Variants in KCNN2 observed in about 807,000 individuals in gnomAD.
KCNN2 encodes small conductance calcium-activated potassium channel protein 2.
Under a neutral mutation model 55.5 loss-of-function variants are expected in KCNN2, and 24 were observed. The observed-to-expected ratio is 0.43, with a 90% CI of 0.31 to 0.61. The LOEUF (loss-of-function observed/expected upper bound fraction) is 0.61. KCNN2 is among the 20% of genes least tolerant of loss of function. KCNN2 has a pLI of 0.08. For missense variants in KCNN2, 754 were observed against 853.6 expected (o/e 0.88, Z 1.45); for synonymous variants, 431 against 336.1 (o/e 1.28, Z -3.09).
In KCNN2 at chr5:114,178,402, T is replaced by G. The variant is rs147017918; in HGVS notation, c.-270-43078T>G. Among the ~76,000 whole-genome samples, 710 of 152,308 alleles carry G rather than the reference T, an allele frequency of 4.7e-3. 3 individuals carry two copies. The highest frequency in any genetic ancestry group is 7.4e-3 in the Non-Finnish European group (500 of 68,022). ...CACACAGCTCAGCTATGTAATTATA[T>G]TACATTTCAGGAAAAACTGTATGTG... is the stretch of plus-strand genomic sequence containing the variant. On this transcript the variant is annotated intron_variant, in intron 1 of 10. Coordinates refer to the KCNN2 transcript ENST00000512097.
At chr5:114,114,938 C>T (rs151317430) in intron 1 of KCNN2, among the ~76,000 whole-genome samples, 4 of 152,264 alleles carry the variant, frequency 2.6e-5, no homozygotes, top group Admixed American at 6.5e-5. Flanking sequence ...GAGGTGTTTG[C>T]TAAACTATGT....
rs6149185 is a variant in KCNN2 at position 114,323,649 on chromosome 5, A to ATTTTT, written c.-184-37282_-184-37278dup. ...TAAGTATCATGATATAAACATATCA[A>ATTTTT]TTTTTTTTTTTTTTTTTTGCTGGTC... On this transcript the variant is annotated intron_variant, in intron 2 of 10. Coordinates refer to the KCNN2 transcript ENST00000512097. Among the ~76,000 whole-genome samples the ATTTTT allele has an allele frequency of 9.0e-4, 77 of 85,302 alleles. 11 individuals carry two copies. The East Asian group carries it at 0.027, about 30-fold the overall frequency. The allele number at this position is 85,302 out of a possible 152,430, so 56.0% of individuals were successfully genotyped here.
chr5:114,285,128 A>T (rs886097564), intron 2 of KCNN2, among the ~76,000 whole-genome samples: 1 of 151,238 alleles, frequency 6.6e-6, no homozygotes, highest in African/African-American at 2.4e-5. Flanking sequence ...TAAAAAATGT[A>T]AAAAAATTAG....
At chr5:114,166,473 A>C (rs1752915952) in intron 1 of KCNN2, among the ~76,000 whole-genome samples, 1 of 152,138 alleles carries the variant, frequency 6.6e-6, no homozygotes. Flanking sequence ...TTTTCAAAAA[A>C]CACATAGAAC....
At chr5:114,314,969 C>T (rs1279608433) in intron 2 of KCNN2, among the ~76,000 whole-genome samples, 3 of 152,148 alleles carry the variant, frequency 2.0e-5, no homozygotes, top group Non-Finnish European at 4.4e-5. Context: ...GTTCCTCTAA[C>T]AAGAACACAG....
At chr5:114,234,611 A>C (rs932111568) in intron 2 of KCNN2, among the ~76,000 whole-genome samples, 4 of 152,228 alleles carry the variant, frequency 2.6e-5, no homozygotes, top group African/African-American at 9.6e-5. Context: ...TGTTCCAAAA[A>C]TACACTGTGC....
At position 114,093,495 on chromosome 5, in the gene KCNN2, C is replaced by G. The variant is rs143152943; in HGVS notation, c.-271+36995C>G. On this transcript the variant is annotated intron_variant, in intron 1 of 10. Transcript: ENST00000512097. ...GTATGTTTTTAACAGTGCCCCACTC[C>G]CAGTACCAATTTACTGTATTACTCC... 2.4e-4 allele frequency among the ~76,000 whole-genome samples: 37 copies of G among 152,254 alleles called. No homozygotes were observed. The East Asian group carries it at 6.6e-3, about 27-fold the overall frequency.
chr5:114,238,032 C>T (rs114087832), intron 2 of KCNN2, among the ~76,000 whole-genome samples: 133 of 152,272 alleles, frequency 8.7e-4, no homozygotes, highest in African/African-American at 3.1e-3. Context: ...TCAATTTCAC[C>T]GCAAAGGAAG....
At chr5:114,379,036 G>C (rs1298891517) in intron 2 of KCNN2, among the ~76,000 whole-genome samples, 2 of 152,056 alleles carry the variant, frequency 1.3e-5, no homozygotes, top group Admixed American at 1.3e-4. Flanking sequence ...TCTCCATTCT[G>C]AGCTGCCTAC....
intron 1 of KCNN2, among the ~76,000 whole-genome samples, chr5:114,139,042 A>G (rs1184078176): frequency 6.6e-6 from 1 of 152,120 alleles, no homozygotes; most frequent in African/African-American, 2.4e-5. Context: ...TCTATTTTAT[A>G]TGCTTTTCTT....
At chr5:114,259,681 A>G (rs1300317782) in intron 2 of KCNN2, among the ~76,000 whole-genome samples, 1 of 152,148 alleles carries the variant, frequency 6.6e-6, no homozygotes, top group African/African-American at 2.4e-5. Context: ...CTGACAGTTC[A>G]GATACTGGTG....
At position 114,348,878 on chromosome 5, in the gene KCNN2, A is replaced by G. The variant is rs1757160313; in HGVS notation, c.-184-12067A>G. Among the ~76,000 whole-genome samples, 3 of 152,164 alleles carry G rather than the reference A, an allele frequency of 2.0e-5. No individual in the cohort carries two copies. In the South Asian group the frequency reaches 6.2e-4, roughly 32 times the overall value. ...TCAGTTTTATTTGGGAATTGCTCTC[A>G]TCACTTTTTAACAATTTTCTTAAGA... is the stretch of plus-strand genomic sequence containing the variant. On this transcript the variant is annotated intron_variant, in intron 2 of 10. Coordinates refer to the KCNN2 transcript ENST00000512097.
intron 2 of KCNN2, among the ~76,000 whole-genome samples, chr5:114,286,455 C>T (rs1200310183): frequency 1.3e-5 from 2 of 151,894 alleles, no homozygotes; most frequent in South Asian, 2.1e-4. Context: ...AAAAATAATT[C>T]GATCATCCAG....
At chr5:114,372,893 G>T (rs1757803945) in intron 2 of KCNN2, among the ~76,000 whole-genome samples, 2 of 151,584 alleles carry the variant, frequency 1.3e-5, no homozygotes, top group Admixed American at 6.6e-5. Context: ...CCCTATTTTG[G>T]ACACTTAAAA....
At chr5:114,405,716 G>GTT (rs35870169) in intron 3 of KCNN2, among the ~76,000 whole-genome samples, 2 of 145,112 alleles carry the variant, frequency 1.4e-5, no homozygotes, top group Non-Finnish European at 1.5e-5. Context: ...GTTTTGTTTT[G>GTT]TTTTTTTTTT....
intron 2 of KCNN2, among the ~76,000 whole-genome samples, chr5:114,322,305 T>C (rs1272448375): frequency 2.0e-5 from 3 of 152,190 alleles, no homozygotes; most frequent in Non-Finnish European, 4.4e-5. Flanking sequence ...GTCTAGTAAG[T>C]AGAGAAAGAA....
chr5:114,236,556 C>T (rs534751777), intron 2 of KCNN2, among the ~76,000 whole-genome samples: 2 of 152,068 alleles, frequency 1.3e-5, no homozygotes, highest in Non-Finnish European at 2.9e-5. Flanking sequence ...AAATCTTTTG[C>T]CTTTTACTAA....
At chr5:114,247,652 CA>C (rs1210319786) in intron 2 of KCNN2, among the ~76,000 whole-genome samples, 1 of 152,186 alleles carries the variant, frequency 6.6e-6, no homozygotes, top group Non-Finnish European at 1.5e-5. Context: ...TTGCTAAGAG[CA>C]TGCTCACGTA....
intron 1 of KCNN2, among the ~76,000 whole-genome samples, chr5:114,184,195 C>T (rs747959945): frequency 3.0e-4 from 46 of 152,262 alleles, no homozygotes; most frequent in Non-Finnish European, 6.2e-4. Flanking sequence ...GACTCAGTAT[C>T]ATAGTGTTCT....
Sources: allele counts gnomAD v4.1 joint callset (sites outside exome capture counted in the v4.1 genomes callset), GRCh38; gene constraint gnomAD v4.1.1; transcripts MANE v1.5; gene names NCBI Gene and HGNC (gene_info 2026-07-23, HGNC 2026-07-21).